PCDH11X: variants seen among roughly 807,000 people sequenced by gnomAD.
PCDH11X encodes the protein protocadherin-11 X-linked.
Under a neutral mutation model 53.3 loss-of-function variants are expected in PCDH11X, and 18 were observed. The ratio of observed to expected loss-of-function variants is 0.34; its 90% CI spans 0.23 to 0.50. PCDH11X has a LOEUF of 0.50. Ranked by LOEUF, PCDH11X falls within the 20% of genes least tolerant of loss-of-function variation. PCDH11X has a pLI of 0.98. For missense variants in PCDH11X, 570 were observed against 1,032.4 expected (o/e 0.55, Z 6.14); for synonymous variants, 279 against 393.3 (o/e 0.71, Z 3.44).
intron 6 of PCDH11X, among the ~76,000 whole-genome samples, chrX:91,949,065 T>C (rs1434172818): frequency 9.1e-6 from 1 of 110,391 alleles, no homozygotes; most frequent in Non-Finnish European, 1.9e-5. Flanking sequence ...AATATACAAA[T>C]ACATACACAA....
At chrX:92,580,109 C>T in intron 10 of PCDH11X, among the ~76,000 whole-genome samples, 1 of 103,492 alleles carries the variant, frequency 9.7e-6, no homozygotes, top group Non-Finnish European at 2.0e-5. Context: ...GCTGCCTGCT[C>T]CTTCCTCTGG....
At chrX:91,919,188 A>G (rs2147816463) in intron 6 of PCDH11X, among the ~76,000 whole-genome samples, 1 of 111,511 alleles carries the variant, frequency 9.0e-6, no homozygotes, top group South Asian at 3.8e-4. Context: ...TATAAGAGAT[A>G]GCCCTATAAA....
At chrX:92,344,673 G>T (rs1395179301) in intron 8 of PCDH11X, among the ~76,000 whole-genome samples, 19 of 97,925 alleles carry the variant, frequency 1.9e-4, no homozygotes, top group South Asian at 5.6e-4. Flanking sequence ...AATGATGCTT[G>T]ATAAAGAAAT....
At chrX:92,482,971 C>T (rs1313003742) in intron 10 of PCDH11X, among the ~76,000 whole-genome samples, 4 of 109,283 alleles carry the variant, frequency 3.7e-5, no homozygotes, top group Non-Finnish European at 7.6e-5. Context: ...TGACACCAAA[C>T]ATTAAACATA....
At chrX:92,012,944 G>T (rs2062718249) in intron 6 of PCDH11X, among the ~76,000 whole-genome samples, 1 of 111,620 alleles carries the variant, frequency 9.0e-6, no homozygotes, top group Non-Finnish European at 1.9e-5. Flanking sequence ...GGCAAAAACT[G>T]GAAGCATTCC....
intron 10 of PCDH11X, among the ~76,000 whole-genome samples, chrX:92,481,121 G>T (rs2073494267): frequency 9.0e-6 from 1 of 111,195 alleles, no homozygotes; most frequent in African/African-American, 3.3e-5. Context: ...GCTGTTCTCT[G>T]TTCCTAGTTT....
At chrX:91,807,898 A>G (rs2147554348) in intron 1 of PCDH11X, among the ~76,000 whole-genome samples, 1 of 107,631 alleles carries the variant, frequency 9.3e-6, no homozygotes, top group Admixed American at 1.0e-4. Flanking sequence ...CCAGGGATGA[A>G]GGTTCAGCTA....
At chrX:91,851,433 G>A (rs1938003589) in intron 5 of PCDH11X, among the ~76,000 whole-genome samples, 1 of 111,391 alleles carries the variant, frequency 9.0e-6, no homozygotes, top group African/African-American at 3.3e-5. Context: ...CTATGGATAC[G>A]TACTCTTTTC....
chrX:92,288,661 A>G (rs1227582554), intron 8 of PCDH11X, among the ~76,000 whole-genome samples: 1 of 111,391 alleles, frequency 9.0e-6, no homozygotes, highest in Non-Finnish European at 1.9e-5. Context: ...CATTGGTTAA[A>G]TTTTATTGTC....
At chrX:92,301,900 C>T (rs1396798409) in intron 8 of PCDH11X, among the ~76,000 whole-genome samples, 1 of 110,604 alleles carries the variant, frequency 9.0e-6, no homozygotes, top group African/African-American at 3.3e-5. Flanking sequence ...CTACCTGGTC[C>T]TGAACTGGCC....
At chrX:91,977,577 T>C (rs1213472715) in intron 6 of PCDH11X, among the ~76,000 whole-genome samples, 2 of 111,098 alleles carry the variant, frequency 1.8e-5, no homozygotes, top group African/African-American at 6.6e-5. Flanking sequence ...TTGTAGTGAA[T>C]ATCCTGATTT....
intron 6 of PCDH11X, among the ~76,000 whole-genome samples, chrX:92,105,539 A>G (rs975410922): frequency 9.1e-6 from 1 of 109,379 alleles, no homozygotes; most frequent in African/African-American, 3.3e-5. Flanking sequence ...AAAGAGAGTC[A>G]GCGAAGGGAG....
intron 6 of PCDH11X, among the ~76,000 whole-genome samples, chrX:91,997,907 C>A (rs1258472109): frequency 1.8e-5 from 2 of 108,364 alleles, no homozygotes; most frequent in East Asian, 5.8e-4. Context: ...TGTAATTAAT[C>A]TGTTAAGATT....
chrX:92,049,918 C>T (rs1319126700), intron 6 of PCDH11X, among the ~76,000 whole-genome samples: 5 of 110,967 alleles, frequency 4.5e-5, no homozygotes, highest in African/African-American at 9.8e-5. Context: ...GGGTTACAGG[C>T]GCCCACCACA....
chrX:92,269,242 C>T (rs1020876908), intron 8 of PCDH11X, among the ~76,000 whole-genome samples: 3 of 111,664 alleles, frequency 2.7e-5, no homozygotes, highest in African/African-American at 9.8e-5. Context: ...CTTGGTTTCT[C>T]TGTTTGGAGT....
intron 9 of PCDH11X, among the ~76,000 whole-genome samples, chrX:92,413,994 C>T (rs1477096637): frequency 9.4e-6 from 1 of 106,859 alleles, no homozygotes; most frequent in Non-Finnish European, 1.9e-5. Context: ...CCAGAACCAT[C>T]CCATAGCTGG....
intron 9 of PCDH11X, among the ~76,000 whole-genome samples, chrX:92,398,392 T>C (rs901240983): frequency 1.8e-5 from 2 of 111,719 alleles, no homozygotes; most frequent in Non-Finnish European, 3.8e-5. Flanking sequence ...CGCTTGAAAC[T>C]GAACTTTCAG....
intron 8 of PCDH11X, among the ~76,000 whole-genome samples, chrX:92,310,856 A>G (rs1003901385): frequency 3.6e-5 from 4 of 111,950 alleles, no homozygotes; most frequent in African/African-American, 1.3e-4. Flanking sequence ...GTTTTCGTAA[A>G]TGTAGCGCAT....
At chrX:91,950,589 GATATAT>G (rs72440976) in intron 6 of PCDH11X, among the ~76,000 whole-genome samples, 16,755 of 99,256 alleles carry the variant, frequency 0.17, 1,036 homozygotes, top group East Asian at 0.25. Context: ...ATATAAATGT[GATATAT>G]ATATATATAT....
Sources: allele counts gnomAD v4.1 joint callset (sites outside exome capture counted in the v4.1 genomes callset), GRCh38; gene constraint gnomAD v4.1.1; transcripts MANE v1.5; gene names NCBI Gene and HGNC (gene_info 2026-07-23, HGNC 2026-07-21).